Variants in ASTN2 observed in about 807,000 individuals in gnomAD.
ASTN2 encodes astrotactin-2.
A neutral mutation model predicts 139.8 loss-of-function variants in ASTN2; 54 were observed. That is an observed-to-expected ratio of 0.39 (90% CI 0.31 to 0.48). ASTN2 has a LOEUF of 0.48. ASTN2 is among the 20% of genes least tolerant of loss of function. The probability of loss-of-function intolerance (pLI) is 0.95; values close to 1 mark genes in which losing one functional copy is unlikely to be tolerated. For synonymous variants in ASTN2, 756 were observed against 719.5 expected (o/e 1.05, Z -0.81); for missense variants, 1,565 against 1,725.1 (o/e 0.91, Z 1.64).
At chr9:116,841,047 A>AG (rs35979833) in intron 11 of ASTN2, among the ~76,000 whole-genome samples, 38,506 of 152,002 alleles carry the variant, frequency 0.25, 5,752 homozygotes, top group East Asian at 0.5. Context: ...TGGAGGTTGC[A>AG]CGAGCCAAGA....
At chr9:116,880,831 C>G (rs1227894565) in intron 10 of ASTN2, among the ~76,000 whole-genome samples, 5 of 152,136 alleles carry the variant, frequency 3.3e-5, no homozygotes, top group African/African-American at 1.2e-4. Context: ...ATACTTGGCA[C>G]TCACAGGTGC....
intron 2 of ASTN2, among the ~76,000 whole-genome samples, chr9:117,225,312 G>T (rs534413927): frequency 2.0e-5 from 3 of 151,812 alleles, no homozygotes; most frequent in African/African-American, 7.2e-5. Flanking sequence ...TCCTCAGGTG[G>T]CCTCTCAAGT....
intron 11 of ASTN2, among the ~76,000 whole-genome samples, chr9:116,850,523 A>C (rs1299429980): frequency 6.6e-6 from 1 of 152,160 alleles, no homozygotes; most frequent in African/African-American, 2.4e-5. Flanking sequence ...TTCCTATCTG[A>C]GTGACAATGA....
chr9:116,477,875 A>G (rs1276652530), intron 20 of ASTN2, among the ~76,000 whole-genome samples: 1 of 142,176 alleles, frequency 7.0e-6, no homozygotes, highest in Non-Finnish European at 1.5e-5. Context: ...AAAAAAAAAA[A>G]TGAAAGAAAA....
In ASTN2 at chr9:116,529,341, T is replaced by C. The variant is rs1042495944; in HGVS notation, c.3356-41841A>G. On this transcript the variant is annotated intron_variant, in intron 19 of 22. Transcript: ENST00000313400. ...TGTCCTGTTGGGTTTCGGACATGCA[T>C]GTGACCTGTAGCCCCTTTGTTTTGG... 2.6e-5 allele frequency among the ~76,000 whole-genome samples: 4 copies of C among 152,176 alleles called. No homozygotes were observed. In the South Asian group the frequency reaches 6.2e-4, roughly 24 times the overall value.
intron 6 of ASTN2, among the ~76,000 whole-genome samples, chr9:117,019,745 C>A (rs1310277844): frequency 6.6e-6 from 1 of 152,052 alleles, no homozygotes; most frequent in Non-Finnish European, 1.5e-5. Flanking sequence ...AGGAGCCAGT[C>A]CCTGGAGCCA....
intron 5 of ASTN2, among the ~76,000 whole-genome samples, chr9:117,083,637 C>A (rs914965083): frequency 5.9e-5 from 9 of 152,082 alleles, no homozygotes; most frequent in Non-Finnish European, 1.2e-4. Flanking sequence ...GGGCGGGAAG[C>A]AAAGAGTCAC....
intron 2 of ASTN2, among the ~76,000 whole-genome samples, chr9:117,216,701 T>C (rs897924013): frequency 6.6e-6 from 1 of 152,182 alleles, no homozygotes; most frequent in Non-Finnish European, 1.5e-5. Flanking sequence ...TGACATGATA[T>C]TATTTGTCTG....
At chr9:117,186,410 G>A (rs1564467016) in intron 3 of ASTN2, among the ~76,000 whole-genome samples, 1 of 151,986 alleles carries the variant, frequency 6.6e-6, no homozygotes, top group Non-Finnish European at 1.5e-5. Flanking sequence ...AGCCGGGTGT[G>A]GTGGCGGGCG....
At chr9:117,183,367 G>T (rs576557843) in intron 3 of ASTN2, among the ~76,000 whole-genome samples, 2 of 152,306 alleles carry the variant, frequency 1.3e-5, no homozygotes, top group Non-Finnish European at 2.9e-5. Context: ...CAGAGGACTT[G>T]CTCACAATGC....
chr9:116,559,082 C>A (rs776414471), intron 19 of ASTN2, among the ~76,000 whole-genome samples: 1 of 152,126 alleles, frequency 6.6e-6, no homozygotes, highest in Admixed American at 6.5e-5. Context: ...TATGTGCTTC[C>A]TTGCCAGGCA....
chr9:117,186,940 C>T (rs1012043253), intron 3 of ASTN2, among the ~76,000 whole-genome samples: 5 of 152,254 alleles, frequency 3.3e-5, no homozygotes, highest in Admixed American at 2.6e-4. Flanking sequence ...ACTGGCCTGG[C>T]CAACATGGTG....
At chr9:116,709,223 AAAAAGTCT>A (rs1234757431) in intron 16 of ASTN2, among the ~76,000 whole-genome samples, 1 of 152,194 alleles carries the variant, frequency 6.6e-6, no homozygotes, top group Non-Finnish European at 1.5e-5. Context: ...CACCTATAGG[AAAAAGTCT>A]CCCACCACCA....
chr9:116,517,724 A>C (rs1052934791), intron 19 of ASTN2, among the ~76,000 whole-genome samples: 3 of 152,226 alleles, frequency 2.0e-5, no homozygotes, highest in Non-Finnish European at 4.4e-5. Context: ...GCACCAGAGA[A>C]AGGTGAAGTC....
At chr9:116,993,374 C>T (rs568891995) in intron 7 of ASTN2, among the ~76,000 whole-genome samples, 1 of 152,044 alleles carries the variant, frequency 6.6e-6, no homozygotes, top group East Asian at 1.9e-4. Flanking sequence ...GCTCCCACAC[C>T]TTTTCGGTTG....
chr9:116,976,141 C>G lies in ASTN2; in HGVS notation c.1724G>C (p.Gly575Ala), dbSNP rs1703958039. The change falls in exon 9 of 23, where the codon GGG becomes GCG. Residue 575 changes from glycine to alanine, a missense_variant. Physicochemically the swap from Gly to Ala is moderately conservative, Grantham distance 60. Around this residue, in one of 4 missense-constraint regions of ASTN2, gnomAD observed 503 missense variants for 591.7 expected, o/e 0.85. Transcript: ENST00000313400. ...GAGAATCTTTTCAGGGGCTTGCTCC[C>G]CTGTCACCAGATCATAGCCCCTCTC... The part of the protein sequence containing the change: ...TLERGYDLVT[G>A]EQAPEKILRS... 6.2e-7 allele frequency: 1 copy of G among 1,614,052 alleles called. No individual in the cohort carries two copies. Among genetic ancestry groups the G allele is most frequent in the African/African-American group, 1.3e-5 (1 of 74,926 alleles).
chr9:117,059,340 G>A lies in ASTN2; in HGVS notation c.1277-19375C>T, dbSNP rs140582577. Among the ~76,000 whole-genome samples the A allele has an allele frequency of 8.4e-3, 1,285 of 152,262 alleles. 10 individuals are homozygous for A. The highest frequency in any genetic ancestry group is 0.038 in the East Asian group (196 of 5,168). On this transcript the variant is annotated intron_variant, in intron 5 of 22. Transcript: ENST00000313400. ...GATAAAAACACAGAATAGGCCAGGC[G>A]TGGTGGCTCATGCCTGTAATCCCAG...
rs749383929 is a variant in ASTN2, at chr9:116,725,945, T to C, written c.2632A>G (p.Thr878Ala). 1.2e-6 allele frequency: 2 copies of C among 1,612,090 alleles called. No homozygotes were observed. Among genetic ancestry groups the C allele is most frequent in the Admixed American group, 3.3e-5 (2 of 59,836 alleles). ...LSTITLAAGFTNVLKILTKES... is the reference protein window; with the variant it reads ...LSTITLAAGFANVLKILTKES... ...TTGGTCAGGATCTTGAGAACATTAG[T>C]GAAGCCTGGACAAGAGAGGAGCATG... is the stretch of plus-strand genomic sequence containing the variant. Residue 878 changes from threonine (T) to alanine (A), a missense_variant, in exon 16 of 23, where the codon ACT becomes GCT. Thr to Ala is a moderately conservative substitution (Grantham distance 58). Transcript: ENST00000313400.
In ASTN2 at chr9:116,425,538, C is replaced by T; in HGVS notation, c.*313G>A. The stretch of plus-strand genomic sequence containing the variant: ...GGAAGAAGAGCAAAGGCCGCTTGGT[C>T]TCCACCTGAAAACTTCTGCCTCGGG... On this transcript the variant is annotated 3_prime_UTR_variant, in exon 23 of 23. Coordinates refer to ENST00000313400, the MANE Select transcript of ASTN2 (RefSeq NM_001365068.1). 4.4e-6 allele frequency: 7 copies of T among 1,608,240 alleles called. No homozygotes were observed. Among genetic ancestry groups the T allele is most frequent in the African/African-American group, 1.3e-5 (1 of 74,676 alleles).
Sources: allele counts gnomAD v4.1 joint callset (sites outside exome capture counted in the v4.1 genomes callset), GRCh38; gene constraint gnomAD v4.1.1; regional missense constraint gnomAD v4.1.1; transcripts MANE v1.5; gene names NCBI Gene and HGNC (gene_info 2026-07-23, HGNC 2026-07-21).